ASAP2: variants seen among roughly 807,000 people sequenced by gnomAD.
ASAP2 encodes ArfGAP with SH3 domain, ankyrin repeat and PH domain 2.
Under a neutral mutation model 131.4 loss-of-function variants are expected in ASAP2, and 45 were observed. The observed-to-expected ratio is 0.34, with a 90% CI of 0.27 to 0.44. The LOEUF (loss-of-function observed/expected upper bound fraction) is 0.44. Among genes scored for constraint, ASAP2 ranks in the 20% least tolerant of loss-of-function variants. The pLI, the probability that ASAP2 is intolerant of heterozygous loss-of-function variation, is 1.00. For synonymous variants in ASAP2, 510 were observed against 503.0 expected, an observed-to-expected ratio of 1.01 and a Z score of -0.19; for missense variants, 1,011 against 1,297.0, an observed-to-expected ratio of 0.78 and a Z score of 3.39.
chr2:9,250,392 C>T lies in ASAP2; in HGVS notation c.127-28925C>T, dbSNP rs545148362. ...GTCCCTAGGGCTCCTGGAGTTCTCG[C>T]GGTGCCCCAGGTGCCATGCATGACT... is the stretch of plus-strand genomic sequence containing the variant. On this transcript the variant is annotated intron_variant, in intron 1 of 27. Transcript: ENST00000281419. 6.6e-5 allele frequency among the ~76,000 whole-genome samples: 10 copies of T among 152,294 alleles called. No individual in the cohort carries two copies. In the East Asian group the frequency reaches 1.5e-3, roughly 24 times the overall value.
chr2:9,386,162 T>C (rs1194365488), intron 21 of ASAP2, among the ~76,000 whole-genome samples: 2 of 151,880 alleles, frequency 1.3e-5, no homozygotes, highest in East Asian at 3.9e-4. Flanking sequence ...TTTTCTGTAA[T>C]GCATTAATGT....
intron 24 of ASAP2, among the ~76,000 whole-genome samples, chr2:9,398,479 G>A (rs1323949099): frequency 4.0e-5 from 6 of 151,738 alleles, no homozygotes; most frequent in Non-Finnish European, 8.8e-5. Flanking sequence ...CACTGCACTC[G>A]AGCTTGGGTA....
intron 2 of ASAP2, 52 bp from the exon 3 acceptor site, chr2:9,297,248 G>T: frequency 6.2e-7 from 1 of 1,600,492 alleles, no homozygotes; most frequent in South Asian, 1.1e-5. Flanking sequence ...ACCTGGTGGG[G>T]AGTGAGGGTG....
chr2:9,380,954 CT>C (rs1674792467), intron 20 of ASAP2, 146 bp downstream of exon 20: 2 of 924,496 alleles, frequency 2.2e-6, no homozygotes, highest in Non-Finnish European at 3.2e-6. Flanking sequence ...ATCAGCCTGC[CT>C]TGGAGAAGGT....
chr2:9,358,832 T>G lies in ASAP2; in HGVS notation c.1404T>G (p.Val468=). ...CCGGAATCCACCGAGAGCTGGGGGT[T>G]CATTATTCCAGGATGCAGTCCCTGA... ...ECSGIHRELG[V]HYSRMQSLTL... Residue 468 remains valine, a synonymous_variant, in exon 15 of 28, where the codon GTT becomes GTG. Transcript: ENST00000281419. 2 of 1,613,054 alleles carry G rather than the reference T, an allele frequency of 1.2e-6. No homozygotes were observed. Among genetic ancestry groups the G allele is most frequent in the Non-Finnish European group, 1.7e-6 (2 of 1,179,636 alleles).
At chr2:9,328,438 A>C (rs1670614885) in intron 7 of ASAP2, among the ~76,000 whole-genome samples, 2 of 152,206 alleles carry the variant, frequency 1.3e-5, no homozygotes. Context: ...CTTTTTGTAG[A>C]GGGACAAACT....
chr2:9,334,978 C>G, intron 8 of ASAP2, 115 bp from the exon 9 acceptor site: 1 of 1,354,068 alleles, frequency 7.4e-7, no homozygotes, highest in South Asian at 1.2e-5. Flanking sequence ...AAGGTTTGAC[C>G]AGCGAGGGAG....
At chr2:9,316,959 A>G (rs1187883913) in intron 3 of ASAP2, among the ~76,000 whole-genome samples, 2 of 80,528 alleles carry the variant, frequency 2.5e-5, no homozygotes, top group African/African-American at 1.0e-4. Flanking sequence ...ACACCCTCCC[A>G]CACACCCCCC....
chr2:9,334,289 TC>T (rs1220860766), intron 7 of ASAP2, among the ~76,000 whole-genome samples: 1 of 151,516 alleles, frequency 6.6e-6, no homozygotes, highest in Non-Finnish European at 1.5e-5. Flanking sequence ...TCTCTAGTGA[TC>T]CTCCCACCTT....
Position 9,392,035 on chromosome 2 carries a change from T to C in ASAP2, c.2518+839T>C, listed in dbSNP as rs1675767739. Reference sequence around the variant, plus strand: ...AGCTGGGATTATTGGTGCAAGCGTATTTTTTGTAGAGACAGGGTTTTGCTA... The same window carrying C: ...AGCTGGGATTATTGGTGCAAGCGTACTTTTTGTAGAGACAGGGTTTTGCTA... On this transcript the variant is annotated intron_variant, in intron 23 of 27. Coordinates refer to ENST00000281419, the MANE Select transcript of ASAP2 (RefSeq NM_003887.3). The surrounding 1 kb of genome is among the most constrained non-coding windows in gnomAD (Gnocchi z 4.0). Among the ~76,000 whole-genome samples, 1 of 152,092 alleles carries C rather than the reference T, an allele frequency of 6.6e-6. No individual in the cohort carries two copies. Among genetic ancestry groups the C allele is most frequent in the African/African-American group, 2.4e-5 (1 of 41,414 alleles).
At chr2:9,321,134 A>G (rs1222113111) in intron 5 of ASAP2, among the ~76,000 whole-genome samples, 1 of 152,206 alleles carries the variant, frequency 6.6e-6, no homozygotes, top group South Asian at 2.1e-4. Context: ...AGAAACTTCC[A>G]TATGAAGCTA....
rs776122877 is a variant in ASAP2 at position 9,388,249 on chromosome 2, G to T, written c.2131-45G>T. 1.7e-5 allele frequency: 28 copies of T among 1,607,794 alleles called. 1 individual carries two copies. Among genetic ancestry groups the T allele is most frequent in the South Asian group, 2.2e-5 (2 of 90,232 alleles). On this transcript the variant is annotated intron_variant, in intron 21 of 27. Transcript: ENST00000281419. ...GTGTTGAATGTTATCACCAGGAGCA[G>T]TTCATATTTGTCTCACACGCCTCTG...
At chr2:9,331,574 C>T (rs1330583708) in intron 7 of ASAP2, among the ~76,000 whole-genome samples, 1 of 152,128 alleles carries the variant, frequency 6.6e-6, no homozygotes, top group Non-Finnish European at 1.5e-5. Flanking sequence ...TCAAGACCAG[C>T]CTGGCCAACA....
chr2:9,341,738 C>T (rs1189917625), intron 9 of ASAP2, among the ~76,000 whole-genome samples: 1 of 152,206 alleles, frequency 6.6e-6, no homozygotes, highest in South Asian at 2.1e-4. Flanking sequence ...GCATTGTTCT[C>T]AGCAACGTTG....
chr2:9,353,776 A>G (rs1269286009), intron 12 of ASAP2, among the ~76,000 whole-genome samples: 2 of 151,958 alleles, frequency 1.3e-5, no homozygotes, highest in Non-Finnish European at 2.9e-5. Context: ...ATGTTCCTTT[A>G]CCATCCTTGC....
chr2:9,213,447 T>G (rs1661751367), intron 1 of ASAP2, among the ~76,000 whole-genome samples: 2 of 152,134 alleles, frequency 1.3e-5, no homozygotes, highest in Admixed American at 6.5e-5. Context: ...GGGAAGCTGT[T>G]GAAGGGTTTT....
chr2:9,271,512 G>A (rs1026575132), intron 1 of ASAP2: 32 of 1,474,282 alleles, frequency 2.2e-5, no homozygotes, highest in African/African-American at 1.2e-4. Context: ...CCTTCCTGCC[G>A]TTTCTCTGTT....
rs530674142 is a variant in ASAP2 at position 9,210,122 on chromosome 2, T to C, written c.126+2892T>C. Among the ~76,000 whole-genome samples the C allele has an allele frequency of 2.3e-4, 35 of 152,334 alleles. 1 individual carries two copies. The highest frequency in any genetic ancestry group is 7.9e-4 in the African/African-American group (33 of 41,582). ...AGGTTAAGTAATTTGCCAAAGGTTA[T>C]AGAGCTCTGAAGTGGACTTTGAACT... On this transcript the variant is annotated intron_variant, in intron 1 of 27. Transcript: ENST00000281419.
chr2:9,291,105 A>G (rs1298726307), intron 2 of ASAP2, among the ~76,000 whole-genome samples: 2 of 152,298 alleles, frequency 1.3e-5, no homozygotes, highest in South Asian at 2.1e-4. Flanking sequence ...AAGCCAACAT[A>G]ATATTCCATT....
Sources: gnomAD v4.1 joint callset for allele counts (sites outside exome capture counted in the v4.1 genomes callset) on GRCh38, gnomAD v4.1.1 for gene constraint, Gnocchi (gnomAD v3.1) non-coding constraint, MANE v1.5 for transcripts, NCBI Gene and HGNC (gene_info 2026-07-23, HGNC 2026-07-21) for gene names.